MTCL3: variants seen among roughly 807,000 people sequenced by gnomAD.
MTCL3 encodes the protein microtubule cross-linking factor 3.
the MTCL3 span, chr6:127,476,419 GCTT>G: frequency 6.2e-7 from 1 of 1,611,096 alleles, no homozygotes; most frequent in Non-Finnish European, 8.5e-7. This position sits in a 1 kb window ranked among gnomAD's most constrained non-coding sequence, Gnocchi z 4.4. Flanking sequence ...CATCAAAGCG[GCTT>G]CTTCCTTAAC....
At chr6:127,518,090 C>G in the MTCL3 span, among the ~76,000 whole-genome samples, 2 of 152,208 alleles carry the variant, frequency 1.3e-5, no homozygotes, top group Non-Finnish European at 2.9e-5. Flanking sequence ...CCTTCCAACT[C>G]ACTTTGAAAT....
chr6:127,501,462 T>G, the MTCL3 span, among the ~76,000 whole-genome samples: 1 of 152,214 alleles, frequency 6.6e-6, no homozygotes, highest in Non-Finnish European at 1.5e-5. Context: ...TATATCAGAA[T>G]AAATAAGCAA....
At chr6:127,484,679 T>C in the MTCL3 span, among the ~76,000 whole-genome samples, 1 of 152,166 alleles carries the variant, frequency 6.6e-6, no homozygotes, top group Non-Finnish European at 1.5e-5. Flanking sequence ...CTTTGCTCTT[T>C]TGGGGGTTCT....
the MTCL3 span, chr6:127,515,926 C>T: frequency 1.2e-6 from 2 of 1,610,426 alleles, no homozygotes; most frequent in Non-Finnish European, 1.7e-6. The surrounding 1 kb of genome is among the most constrained non-coding windows in gnomAD (Gnocchi z 4.3). Context: ...GTTTCTGCTG[C>T]CGGTTCCTGG....
chr6:127,509,765 A>T, the MTCL3 span, among the ~76,000 whole-genome samples: 2 of 152,234 alleles, frequency 1.3e-5, no homozygotes, highest in African/African-American at 4.8e-5. Flanking sequence ...GTTGCAAGTC[A>T]TCCAAGGAGT....
the MTCL3 span, chr6:127,514,700 C>A: frequency 1.3e-6 from 1 of 740,770 alleles, no homozygotes; most frequent in East Asian, 2.7e-5. Flanking sequence ...GTTAGCGCTA[C>A]GAAACTGTGT....
chr6:127,514,690 G>A, the MTCL3 span: 1 of 691,402 alleles, frequency 1.4e-6, no homozygotes, highest in East Asian at 2.7e-5. Flanking sequence ...GTATTTTGTG[G>A]TTAGCGCTAC....
chr6:127,476,154 G>T, the MTCL3 span: 1 of 1,614,086 alleles, frequency 6.2e-7, no homozygotes, highest in Non-Finnish European at 8.5e-7. This position sits in a 1 kb window ranked among gnomAD's most constrained non-coding sequence, Gnocchi z 4.4. Context: ...TGAAGTCATC[G>T]CCCCTAAGGT....
chr6:127,487,295 G>A, the MTCL3 span, among the ~76,000 whole-genome samples: 38 of 152,188 alleles, frequency 2.5e-4, no homozygotes, highest in African/African-American at 8.2e-4. Context: ...TATGGTAACA[G>A]AGCGTGACAG....
chr6:127,495,069 C>T, the MTCL3 span, among the ~76,000 whole-genome samples: 1 of 148,952 alleles, frequency 6.7e-6, no homozygotes, highest in Non-Finnish European at 1.5e-5. Context: ...TGGTGGTGGA[C>T]ACCTATAGTC....
the MTCL3 span, among the ~76,000 whole-genome samples, chr6:127,487,465 T>G: frequency 6.6e-6 from 1 of 152,128 alleles, no homozygotes; most frequent in Non-Finnish European, 1.5e-5. Flanking sequence ...GGCCCAGGGA[T>G]TGCCTGCTGG....
chr6:127,483,415 T>C, the MTCL3 span, among the ~76,000 whole-genome samples: 1 of 152,216 alleles, frequency 6.6e-6, no homozygotes, highest in East Asian at 1.9e-4. Context: ...TGAATTTATG[T>C]AGAATCGGAA....
At chr6:127,476,852 C>T in the MTCL3 span, among the ~76,000 whole-genome samples, 1 of 152,176 alleles carries the variant, frequency 6.6e-6, no homozygotes, top group African/African-American at 2.4e-5. This position sits in a 1 kb window ranked among gnomAD's most constrained non-coding sequence, Gnocchi z 4.4. Flanking sequence ...TATGCATTTG[C>T]GGCCACTTTT....
At chr6:127,489,759 G>C in the MTCL3 span, among the ~76,000 whole-genome samples, 1 of 152,240 alleles carries the variant, frequency 6.6e-6, no homozygotes, top group African/African-American at 2.4e-5. Context: ...CAGAAGAAAT[G>C]TTAGAAGCTA....
At chr6:127,515,000 A>G in the MTCL3 span, 1 of 1,614,082 alleles carries the variant, frequency 6.2e-7, no homozygotes, top group South Asian at 1.1e-5. Context: ...CCTCGAAGAA[A>G]GTGTCCCTCA....
chr6:127,499,215 A>G, the MTCL3 span, among the ~76,000 whole-genome samples: 2 of 152,294 alleles, frequency 1.3e-5, no homozygotes, highest in Non-Finnish European at 2.9e-5. Context: ...TTAAAAAGAT[A>G]ACAAAGATGG....
the MTCL3 span, among the ~76,000 whole-genome samples, chr6:127,515,217 G>A: frequency 6.6e-6 from 1 of 152,066 alleles, no homozygotes; most frequent in South Asian, 2.1e-4. The surrounding 1 kb of genome is among the most constrained non-coding windows in gnomAD (Gnocchi z 4.3). Context: ...GGGGAAAAAG[G>A]CCCACTTTAG....
the MTCL3 span, among the ~76,000 whole-genome samples, chr6:127,497,368 A>G: frequency 6.6e-6 from 1 of 152,248 alleles, no homozygotes; most frequent in Non-Finnish European, 1.5e-5. Context: ...TGTGCAATCA[A>G]TTATGAGATA....
At chr6:127,476,544 C>A in the MTCL3 span, 4 of 1,188,840 alleles carry the variant, frequency 3.4e-6, no homozygotes, top group Non-Finnish European at 4.7e-6. The surrounding 1 kb of genome is among the most constrained non-coding windows in gnomAD (Gnocchi z 4.4). Flanking sequence ...AAAGAGGACA[C>A]CTGGATAAAT....
Sources: gnomAD v4.1 joint callset for allele counts (sites outside exome capture counted in the v4.1 genomes callset) on GRCh38, gnomAD v4.1.1 for gene constraint, Gnocchi (gnomAD v3.1) non-coding constraint, MANE v1.5 for transcripts, NCBI Gene and HGNC (gene_info 2026-07-23, HGNC 2026-07-21) for gene names.